LRRC4C: variants seen among roughly 807,000 people sequenced by gnomAD.
The protein encoded by LRRC4C is leucine rich repeat containing 4C.
LRRC4C carries 5 observed loss-of-function variants against 33.6 expected under a neutral mutation model. The ratio of observed to expected loss-of-function variants is 0.15; its 90% confidence interval spans 0.08 to 0.31. The LOEUF is 0.31. Ranked by LOEUF, LRRC4C falls within the 10% of genes least tolerant of loss-of-function variation. The probability of loss-of-function intolerance (pLI) is 1.00; values close to 1 mark genes in which losing one functional copy is unlikely to be tolerated. For missense variants in LRRC4C, 560 were observed against 796.7 expected (o/e 0.70, Z 3.58); for synonymous variants, 329 against 302.0 (o/e 1.09, Z -0.93).
At chr11:40,244,735 T>G (rs538517950) in intron 4 of LRRC4C, among the ~76,000 whole-genome samples, 3 of 149,514 alleles carry the variant, frequency 2.0e-5, no homozygotes, top group East Asian at 3.9e-4. Context: ...AGGGGAAGGT[T>G]TTTTTTTTGG....
intron 3 of LRRC4C, among the ~76,000 whole-genome samples, chr11:40,620,542 C>G (rs1056144423): frequency 6.6e-6 from 1 of 151,712 alleles, no homozygotes; most frequent in African/African-American, 2.4e-5. Flanking sequence ...TAAAAATAAA[C>G]CTTCCATTCA....
chr11:40,866,169 T>TAAAA lies in LRRC4C; in HGVS notation c.-407+67462_-407+67465dup, dbSNP rs34472076. On this transcript the variant is annotated intron_variant, in intron 2 of 6. Coordinates refer to ENST00000528697, the MANE Select transcript of LRRC4C (RefSeq NM_001258419.2). Reference sequence around the variant, plus strand: ...GTTGAAATCCCAGGGTAATTCTACTTAAAAAAAAAAAAAAAAGCGGTAAGA... The same window carrying TAAAA: ...GTTGAAATCCCAGGGTAATTCTACTTAAAAAAAAAAAAAAAAAAAAGCGGTAAGA... 6.9e-4 allele frequency among the ~76,000 whole-genome samples: 93 copies of TAAAA among 135,252 alleles called. 1 individual carries two copies. The highest frequency in any genetic ancestry group is 2.2e-3 in the African/African-American group (81 of 36,690). The allele number at this position is 135,252 out of a possible 152,430, so 88.7% of individuals were successfully genotyped here. A position where few individuals can be genotyped will look rare whatever the true frequency, so the allele number is the denominator to read the frequency against.
chr11:40,913,859 AG>A (rs765425945), intron 2 of LRRC4C, among the ~76,000 whole-genome samples: 48 of 152,158 alleles, frequency 3.2e-4, no homozygotes, highest in Non-Finnish European at 5.7e-4. Flanking sequence ...AAAATGATAA[AG>A]GGGATATCAC....
chr11:40,567,650 A>G (rs1474770781), intron 3 of LRRC4C, among the ~76,000 whole-genome samples: 4 of 152,190 alleles, frequency 2.6e-5, no homozygotes, highest in African/African-American at 9.6e-5. Flanking sequence ...GAAGTTTGAC[A>G]TACACTTACT....
intron 3 of LRRC4C, among the ~76,000 whole-genome samples, chr11:40,618,244 G>T (rs1280411728): frequency 2.1e-5 from 3 of 143,972 alleles, no homozygotes; most frequent in African/African-American, 7.4e-5. Context: ...CTAAGTAGAG[G>T]AGAGGACACA....
intron 3 of LRRC4C, among the ~76,000 whole-genome samples, chr11:40,579,186 A>C (rs1301020199): frequency 1.3e-5 from 2 of 152,106 alleles, no homozygotes; most frequent in Non-Finnish European, 2.9e-5. Context: ...AAAATACAAA[A>C]ATTAGCCTGG....
intron 3 of LRRC4C, among the ~76,000 whole-genome samples, chr11:40,622,825 A>G (rs1238275641): frequency 6.6e-6 from 1 of 151,854 alleles, no homozygotes; most frequent in Non-Finnish European, 1.5e-5. Flanking sequence ...TGTGCTTAGC[A>G]TAGTACATAG....
At chr11:40,734,802 A>G (rs750413449) in intron 2 of LRRC4C, among the ~76,000 whole-genome samples, 10 of 152,282 alleles carry the variant, frequency 6.6e-5, no homozygotes, top group African/African-American at 2.4e-4. Context: ...TAACGGAATT[A>G]AGGAATACCT....
chr11:40,646,692 C>T lies in LRRC4C; in HGVS notation c.-270+1450G>A, dbSNP rs575019092. Among the ~76,000 whole-genome samples the T allele has an allele frequency of 4.6e-5, 7 of 152,292 alleles. No homozygotes were observed. The South Asian group carries it at 1.0e-3, about 23-fold the overall frequency. On this transcript the variant is annotated intron_variant, in intron 3 of 6. Coordinates refer to ENST00000528697, the MANE Select transcript of LRRC4C (RefSeq NM_001258419.2). The stretch of plus-strand genomic sequence containing the variant: ...CACTATCTCGGCTCACTGCAAGCTC[C>T]GCCCTCCGGGTTCACGCCATTCTCC...
At chr11:40,910,028 T>G (rs1005083578) in intron 2 of LRRC4C, among the ~76,000 whole-genome samples, 11 of 152,148 alleles carry the variant, frequency 7.2e-5, no homozygotes, top group African/African-American at 2.7e-4. Flanking sequence ...AACTTAGGAA[T>G]CATATTATCT....
chr11:40,602,049 G>A (rs1353787590), intron 3 of LRRC4C, among the ~76,000 whole-genome samples: 1 of 151,266 alleles, frequency 6.6e-6, no homozygotes, highest in East Asian at 1.9e-4. Flanking sequence ...AAAAAATTTA[G>A]CTGGGTGTGG....
intron 2 of LRRC4C, among the ~76,000 whole-genome samples, chr11:40,911,700 G>A (rs1377343341): frequency 6.6e-6 from 1 of 152,204 alleles, no homozygotes; most frequent in African/African-American, 2.4e-5. Context: ...GACGGAGAAT[G>A]ACTTTTATGA....
At chr11:40,415,744 T>C (rs1374431163) in intron 3 of LRRC4C, among the ~76,000 whole-genome samples, 1 of 152,160 alleles carries the variant, frequency 6.6e-6, no homozygotes, top group Non-Finnish European at 1.5e-5. Flanking sequence ...AAAGTGGAGA[T>C]AGGTTAACCC....
chr11:41,433,081 G>A (rs1385090383), intron 1 of LRRC4C, among the ~76,000 whole-genome samples: 3 of 152,018 alleles, frequency 2.0e-5, no homozygotes, highest in African/African-American at 4.8e-5. Flanking sequence ...ACACCTTGAT[G>A]ACCCCAAGTA....
rs548659384 is a variant in LRRC4C, at chr11:41,225,648, TA to T, written c.-496+233782del. On this transcript the variant is annotated intron_variant, in intron 1 of 6. Coordinates refer to ENST00000528697, the MANE Select transcript of LRRC4C (RefSeq NM_001258419.2). Reference sequence around the variant, plus strand: ...ACCCTGTCTTTATTTTATTTATATATATTTTTTTGTTTCTATCATATATAAA... The same window carrying T: ...ACCCTGTCTTTATTTTATTTATATATTTTTTTTGTTTCTATCATATATAAA... 1.3e-3 allele frequency among the ~76,000 whole-genome samples: 202 copies of T among 151,056 alleles called. 2 individuals are homozygous for T. The highest frequency in any genetic ancestry group is 6.8e-3 in the South Asian group (33 of 4,830).
At chr11:40,450,237 C>T (rs1487841664) in intron 3 of LRRC4C, among the ~76,000 whole-genome samples, 2 of 152,074 alleles carry the variant, frequency 1.3e-5, no homozygotes, top group African/African-American at 4.8e-5. Flanking sequence ...TCTTCATTCT[C>T]AGTAGTGGTA....
rs548966886 is a variant in LRRC4C, at chr11:40,412,131, T to C, written c.-269-92410A>G. ...TTTAAGCCATATTTTTAGATTTCTT[T>C]CTAGGCCTCACAAAAGAAACTTTTA... On this transcript the variant is annotated intron_variant, in intron 3 of 6. Coordinates refer to ENST00000528697, the MANE Select transcript of LRRC4C (RefSeq NM_001258419.2). 8.5e-4 allele frequency among the ~76,000 whole-genome samples: 129 copies of C among 152,196 alleles called. No individual in the cohort carries two copies. In the Middle Eastern group the frequency reaches 0.014, roughly 16 times the overall value.
At chr11:41,099,666 AACC>A in intron 1 of LRRC4C, among the ~76,000 whole-genome samples, 1 of 152,298 alleles carries the variant, frequency 6.6e-6, no homozygotes, top group East Asian at 1.9e-4. Context: ...ACTCTCTATA[AACC>A]AGATATTAAA....
At chr11:40,919,265 T>C (rs981409921) in intron 2 of LRRC4C, among the ~76,000 whole-genome samples, 2 of 152,158 alleles carry the variant, frequency 1.3e-5, no homozygotes, top group African/African-American at 4.8e-5. Context: ...GTCTTATAGA[T>C]CCAGGGGCTA....
Sources: allele counts gnomAD v4.1 joint callset (sites outside exome capture counted in the v4.1 genomes callset), GRCh38; gene constraint gnomAD v4.1.1; transcripts MANE v1.5; gene names NCBI Gene and HGNC (gene_info 2026-07-23, HGNC 2026-07-21).